The following DCBLD1 variants were observed in gnomAD, a reference collection of about 807,000 sequenced individuals.
DCBLD1 encodes the protein discoidin, CUB and LCCL domain-containing protein 1.
In DCBLD1, 57 loss-of-function variants were observed where a neutral mutation model predicts 71.5. That is an observed-to-expected ratio of 0.80 (90% CI 0.64 to 0.99). DCBLD1 has a LOEUF of 0.99. Among genes scored for constraint, DCBLD1 ranks in the 50% least tolerant of loss-of-function variants. DCBLD1 has a pLI of 0.00. For synonymous variants in DCBLD1, 380 were observed against 363.8 expected (o/e 1.04, Z -0.51); for missense variants, 891 against 923.5 (o/e 0.96, Z 0.46).
intron 14 of DCBLD1, among the ~76,000 whole-genome samples, chr6:117,566,452 C>T (rs920510410): frequency 2.6e-5 from 4 of 152,096 alleles, no homozygotes; most frequent in African/African-American, 9.7e-5. Flanking sequence ...CATAAGGTGA[C>T]AGTATACTTC....
intron 2 of DCBLD1, among the ~76,000 whole-genome samples, chr6:117,505,366 AG>A (rs1318663305): frequency 1.3e-5 from 2 of 151,990 alleles, no homozygotes; most frequent in African/African-American, 4.8e-5. Context: ...GATTCTGAGG[AG>A]GGGGTAAGTG....
chr6:117,510,862 G>A (rs919922442), intron 2 of DCBLD1, among the ~76,000 whole-genome samples: 1 of 152,182 alleles, frequency 6.6e-6, no homozygotes, highest in Non-Finnish European at 1.5e-5. Context: ...TGTGGAAGGT[G>A]CCTGTGAGTG....
downstream of DCBLD1, among the ~76,000 whole-genome samples, chr6:117,552,441 A>G (rs143170449): frequency 2.0e-5 from 3 of 152,236 alleles, no homozygotes; most frequent in African/African-American, 7.2e-5. Context: ...CTCCCAACAA[A>G]TGCACTTAAC....
intron 2 of DCBLD1, among the ~76,000 whole-genome samples, chr6:117,507,097 A>C (rs1777868827): frequency 6.6e-6 from 1 of 152,266 alleles, no homozygotes; most frequent in Admixed American, 6.5e-5. Context: ...TAATGTTTGC[A>C]GTGTCTGCCA....
intron 2 of DCBLD1, among the ~76,000 whole-genome samples, chr6:117,513,112 A>C (rs1175592987): frequency 6.6e-6 from 1 of 152,210 alleles, no homozygotes; most frequent in Non-Finnish European, 1.5e-5. Context: ...CCAGGAGAAT[A>C]GAGAAGTACT....
chr6:117,521,411 A>G (rs1045564297), intron 3 of DCBLD1, 114 bp from the exon 4 acceptor site: 1 of 841,670 alleles, frequency 1.2e-6, no homozygotes, highest in Non-Finnish European at 1.8e-6. Context: ...TCTGATAACT[A>G]CATAGTGAAT....
chr6:117,485,246 C>T (rs1221925276), intron 1 of DCBLD1, among the ~76,000 whole-genome samples: 1 of 152,178 alleles, frequency 6.6e-6, no homozygotes, highest in Non-Finnish European at 1.5e-5. Flanking sequence ...CTTCTCTCTC[C>T]ACCACAAGAT....
At chr6:117,550,353 A>AT (rs1779407729), downstream of DCBLD1, among the ~76,000 whole-genome samples, 1 of 152,184 alleles carries the variant, frequency 6.6e-6, no homozygotes, top group African/African-American at 2.4e-5. Flanking sequence ...AAACTAGAGG[A>AT]TAAGGGCAGA....
intron 14 of DCBLD1, chr6:117,562,759 C>G (rs772342596): frequency 9.6e-6 from 2 of 207,728 alleles, no homozygotes; most frequent in South Asian, 1.9e-4. Flanking sequence ...AAGTCTAAAG[C>G]CTTTCAGTTA....
intron 6 of DCBLD1, among the ~76,000 whole-genome samples, chr6:117,535,638 A>T (rs1312328105): frequency 6.6e-6 from 1 of 152,184 alleles, no homozygotes; most frequent in Non-Finnish European, 1.5e-5. Context: ...CTCCAAAGGT[A>T]TCCTTTCCAT....
chr6:117,545,442 G>C, intron 13 of DCBLD1, 36 bp from the exon 14 acceptor site: 2 of 1,608,986 alleles, frequency 1.2e-6, no homozygotes, highest in African/African-American at 1.3e-5. Context: ...TTACATTTCT[G>C]ACATATTCAT....
intron 14 of DCBLD1, among the ~76,000 whole-genome samples, chr6:117,563,695 C>A (rs567052353): frequency 2.9e-4 from 44 of 150,922 alleles, no homozygotes; most frequent in Non-Finnish European, 5.6e-4. Context: ...GCACTCTAGC[C>A]TGGGTGACAG....
At chr6:117,553,579 ATCTCT>A (rs1779458382), downstream of DCBLD1, among the ~76,000 whole-genome samples, 1 of 152,106 alleles carries the variant, frequency 6.6e-6, no homozygotes, top group Non-Finnish European at 1.5e-5. Flanking sequence ...TCGAACAGTG[ATCTCT>A]TCTTGGAATT....
At chr6:117,528,497 T>C (rs1778613690) in intron 5 of DCBLD1, among the ~76,000 whole-genome samples, 1 of 152,240 alleles carries the variant, frequency 6.6e-6, no homozygotes, top group African/African-American at 2.4e-5. Context: ...ACTGTTTTAG[T>C]ACAAGTTGAT....
At chr6:117,520,084 T>A in intron 3 of DCBLD1, 134 bp downstream of exon 3, 1 of 1,400,242 alleles carries the variant, frequency 7.1e-7, no homozygotes, top group Non-Finnish European at 9.7e-7. Context: ...AGGAACATGG[T>A]ATCTTTGTAA....
chr6:117,536,749 CTT>C, intron 6 of DCBLD1, among the ~76,000 whole-genome samples: 1 of 152,280 alleles, frequency 6.6e-6, no homozygotes, highest in East Asian at 1.9e-4. Context: ...GAGTGGGACA[CTT>C]TAAGGTGACT....
chr6:117,545,552 AAGG>A lies in DCBLD1; in HGVS notation c.1573_1575del (p.Glu525del). ...GTTTACCATCAGCTATGATAATGAG[AAGG>A]AGATGACACAAAAGTTAGATCTCAT... On this transcript the variant is annotated inframe_deletion, in exon 14 of 15. Coordinates refer to ENST00000338728, the MANE Select transcript of DCBLD1 (RefSeq NM_001366458.2). 6.2e-7 allele frequency: 1 copy of A among 1,614,198 alleles called. No individual in the cohort carries two copies. Among genetic ancestry groups the A allele is most frequent in the East Asian group, 2.2e-5 (1 of 44,886 alleles).
intron 3 of DCBLD1, among the ~76,000 whole-genome samples, chr6:117,520,770 T>C (rs1778358819): frequency 6.6e-6 from 1 of 152,156 alleles, no homozygotes; most frequent in African/African-American, 2.4e-5. Context: ...CTGCTGTCAG[T>C]CCTCTCTGGC....
rs1777756145 is a variant in DCBLD1, at chr6:117,504,049, T to G, written c.325+70T>G. 3.3e-6 allele frequency: 5 copies of G among 1,520,914 alleles called. No individual in the cohort carries two copies. The African/African-American group carries it at 6.9e-5, about 21-fold the overall frequency. 94.2% of individuals were successfully genotyped at this position (1,520,914 alleles called of 1,614,324 possible). ...TATTTGCAGAGAAGGGCAAGTGGTG[T>G]GTTAATTAACGCTATATCATGAGAA... On this transcript the variant is annotated intron_variant, in intron 2 of 14. Coordinates refer to ENST00000338728, the MANE Select transcript of DCBLD1 (RefSeq NM_001366458.2).
Sources: allele counts gnomAD v4.1 joint callset (sites outside exome capture counted in the v4.1 genomes callset), GRCh38; gene constraint gnomAD v4.1.1; transcripts MANE v1.5; gene names NCBI Gene and HGNC (gene_info 2026-07-23, HGNC 2026-07-21).